The following CSMD1 variants were observed in gnomAD, a reference collection of about 807,000 sequenced individuals.
CSMD1 encodes the protein CUB and Sushi multiple domains 1, also known as CUB and sushi domain-containing protein 1.
A neutral mutation model predicts 417.5 loss-of-function variants in CSMD1; 213 were observed. That is an observed-to-expected ratio of 0.51 (90% CI 0.46 to 0.57). The LOEUF is 0.57. Among genes scored for constraint, CSMD1 ranks in the 20% least tolerant of loss-of-function variants. CSMD1 has a pLI of 0.00. For missense variants in CSMD1, 6,923 were observed against 4,529.7 expected, an observed-to-expected ratio of 1.53 and a Z score of -15.17; for synonymous variants, 2,862 against 1,736.8, an observed-to-expected ratio of 1.65 and a Z score of -16.11.
chr8:3,914,118 G>C (rs764290028), intron 5 of CSMD1, among the ~76,000 whole-genome samples: 6 of 152,134 alleles, frequency 3.9e-5, no homozygotes, highest in Non-Finnish European at 7.3e-5. Context: ...TTCAGCGTTA[G>C]AATTTTATAT....
chr8:4,448,089 T>C (rs1422475061), intron 2 of CSMD1, among the ~76,000 whole-genome samples: 3 of 152,224 alleles, frequency 2.0e-5, no homozygotes, highest in African/African-American at 2.4e-5. Flanking sequence ...GGAAATTCTG[T>C]TCCCTTCTCT....
At chr8:4,233,372 T>G (rs1024391465) in intron 3 of CSMD1, among the ~76,000 whole-genome samples, 3 of 152,336 alleles carry the variant, frequency 2.0e-5, no homozygotes, top group Admixed American at 2.0e-4. Flanking sequence ...TCTCAGTGAC[T>G]AAGTACTATG....
chr8:3,734,852 T>C (rs937232283), intron 6 of CSMD1, among the ~76,000 whole-genome samples: 5 of 152,346 alleles, frequency 3.3e-5, no homozygotes, highest in African/African-American at 4.8e-5. Flanking sequence ...TGAAACTTCA[T>C]CTAATGCCGC....
intron 1 of CSMD1, among the ~76,000 whole-genome samples, chr8:4,773,212 C>T (rs1426033831): frequency 6.6e-6 from 1 of 152,096 alleles, no homozygotes; most frequent in Non-Finnish European, 1.5e-5. Flanking sequence ...AATGACATGT[C>T]ACAGCTCAAA....
chr8:3,895,152 C>G (rs151236769), intron 5 of CSMD1, among the ~76,000 whole-genome samples: 42 of 152,216 alleles, frequency 2.8e-4, no homozygotes, highest in Admixed American at 8.5e-4. Context: ...GGCTTTATCT[C>G]CAAATCACTA....
At chr8:3,158,428 G>A (rs1027165689) in intron 38 of CSMD1, among the ~76,000 whole-genome samples, 36 of 151,772 alleles carry the variant, frequency 2.4e-4, no homozygotes, top group African/African-American at 8.3e-4. Flanking sequence ...GTGCTTCCGC[G>A]TCACATGACT....
chr8:3,699,397 A>G (rs1800726152), intron 7 of CSMD1, among the ~76,000 whole-genome samples: 1 of 152,186 alleles, frequency 6.6e-6, no homozygotes, highest in African/African-American at 2.4e-5. Context: ...AACACATAAC[A>G]TTTTGATAAT....
rs923913065 is a variant in CSMD1 at position 3,923,292 on chromosome 8, C to A, written c.818+74611G>T. ...TCTGACTCTGGAGCCCAGGCTGTCC[C>A]TTCCCCATTTGGGGAGTTTATGTAT... On this transcript the variant is annotated intron_variant, in intron 5 of 69. Transcript: ENST00000635120. Among the ~76,000 whole-genome samples the A allele has an allele frequency of 2.6e-5, 4 of 152,292 alleles. No homozygotes were observed. The East Asian group carries it at 7.7e-4, about 29-fold the overall frequency.
In CSMD1 at chr8:4,131,977, G is replaced by C. The variant is rs370710095; in HGVS notation, c.416-99878C>G. On this transcript the variant is annotated intron_variant, in intron 3 of 69. Transcript: ENST00000635120. ...GACCGGCTTTCACCATGTTAGCCAG[G>C]ATGGTCTCGATCTCCTGACCTCGTG... Among the ~76,000 whole-genome samples, 3 of 151,940 alleles carry C rather than the reference G, an allele frequency of 2.0e-5. No individual in the cohort carries two copies. In the East Asian group the frequency reaches 5.8e-4, roughly 30 times the overall value.
chr8:4,112,539 C>G (rs1010318042), intron 3 of CSMD1, among the ~76,000 whole-genome samples: 1 of 152,190 alleles, frequency 6.6e-6, no homozygotes. Context: ...AAACTGGACA[C>G]AGCACGTCCT....
chr8:4,966,311 G>A (rs145124528), intron 1 of CSMD1, among the ~76,000 whole-genome samples: 22,763 of 151,708 alleles, frequency 0.15, 1,917 homozygotes, highest in East Asian at 0.36. Context: ...CCCAGGAGAC[G>A]AAGGTTGCAG....
At chr8:4,056,770 G>C (rs1316514655) in intron 3 of CSMD1, among the ~76,000 whole-genome samples, 3 of 151,962 alleles carry the variant, frequency 2.0e-5, no homozygotes, top group South Asian at 2.1e-4. Flanking sequence ...CCACCTATGA[G>C]TGAGAACATG....
intron 2 of CSMD1, among the ~76,000 whole-genome samples, chr8:4,577,289 T>C (rs1338754271): frequency 6.6e-6 from 1 of 152,218 alleles, no homozygotes; most frequent in Non-Finnish European, 1.5e-5. Flanking sequence ...ACTTCATAGC[T>C]GCTCTCTTGG....
At chr8:4,370,561 G>T (rs11993860) in intron 3 of CSMD1, among the ~76,000 whole-genome samples, 102,034 of 152,098 alleles carry the variant, frequency 0.67, 35,240 homozygotes, top group African/African-American at 0.86. Flanking sequence ...TCTTTCTCTT[G>T]CTGGAATAAC....
chr8:4,480,650 C>G lies in CSMD1; in HGVS notation c.303-60585G>C, dbSNP rs137980142. ...TCTGTGGGCCATTCTCTAAAATAGG[C>G]TTGCATTTACTAACTCCCTATGGGT... On this transcript the variant is annotated intron_variant, in intron 2 of 69. Coordinates refer to ENST00000635120, the MANE Select transcript of CSMD1 (RefSeq NM_033225.6). Among the ~76,000 whole-genome samples, 620 of 152,324 alleles carry G rather than the reference C, an allele frequency of 4.1e-3. 4 individuals carry two copies. The highest frequency in any genetic ancestry group is 6.8e-3 in the Middle Eastern group (2 of 294).
intron 1 of CSMD1, among the ~76,000 whole-genome samples, chr8:4,894,613 T>C (rs1026200218): frequency 6.6e-6 from 1 of 151,874 alleles, no homozygotes; most frequent in African/African-American, 2.4e-5. Flanking sequence ...TAATATTCTA[T>C]CCACCCATTA....
chr8:4,016,349 T>G (rs1010279004), intron 4 of CSMD1, among the ~76,000 whole-genome samples: 15 of 152,250 alleles, frequency 9.9e-5, no homozygotes, highest in African/African-American at 3.6e-4. Context: ...CTCAGACATT[T>G]TGCAATCTCC....
intron 2 of CSMD1, among the ~76,000 whole-genome samples, chr8:4,632,656 G>A (rs1446656179): frequency 2.0e-5 from 3 of 152,158 alleles, no homozygotes; most frequent in Admixed American, 6.5e-5. Context: ...GCCCCATTGC[G>A]AGGTAACTTC....
chr8:4,213,819 A>G (rs925024909), intron 3 of CSMD1, among the ~76,000 whole-genome samples: 4 of 152,062 alleles, frequency 2.6e-5, no homozygotes, highest in African/African-American at 7.3e-5. Context: ...GAGAAAGATA[A>G]GAAAAGAGAC....
Sources: gnomAD v4.1 joint callset for allele counts (sites outside exome capture counted in the v4.1 genomes callset) on GRCh38, gnomAD v4.1.1 for gene constraint, MANE v1.5 for transcripts, NCBI Gene and HGNC (gene_info 2026-07-23, HGNC 2026-07-21) for gene names.